Variants in RAPGEF5 observed in about 807,000 individuals in gnomAD.
The protein encoded by RAPGEF5 is Rap guanine nucleotide exchange factor 5.
In RAPGEF5, 65 loss-of-function variants were observed where a neutral mutation model predicts 125.2. The observed-to-expected ratio is 0.52, with a 90% CI of 0.43 to 0.64. The LOEUF is 0.64. RAPGEF5 is among the 30% of genes least tolerant of loss of function. The pLI is 0.00. For synonymous variants in RAPGEF5, 391 were observed against 385.9 expected (o/e 1.01, Z -0.16); for missense variants, 958 against 1,048.1 (o/e 0.91, Z 1.19).
At chr7:22,219,650 CT>C (rs1323173747) in intron 9 of RAPGEF5, among the ~76,000 whole-genome samples, 1 of 151,956 alleles carries the variant, frequency 6.6e-6, no homozygotes, top group African/African-American at 2.4e-5. Context: ...ACATAATTTA[CT>C]TTTGAGAAGA....
intron 9 of RAPGEF5, among the ~76,000 whole-genome samples, chr7:22,195,521 C>T (rs1479293223): frequency 6.6e-6 from 1 of 152,116 alleles, no homozygotes; most frequent in Non-Finnish European, 1.5e-5. Context: ...TACATTTCAG[C>T]AAGGTCAGAC....
intron 1 of RAPGEF5, among the ~76,000 whole-genome samples, chr7:22,342,019 CT>C (rs891772059): frequency 1.3e-5 from 2 of 152,224 alleles, no homozygotes; most frequent in African/African-American, 4.8e-5. Context: ...CCACATTCCC[CT>C]TCCACAATGC....
intron 20 of RAPGEF5, among the ~76,000 whole-genome samples, chr7:22,142,011 G>A (rs953918962): frequency 1.3e-5 from 2 of 152,152 alleles, no homozygotes; most frequent in African/African-American, 2.4e-5. Flanking sequence ...TCACAACCCT[G>A]AACGTTCCCA....
Position 22,119,041 on chromosome 7 carries a change from T to A in RAPGEF5, c.*3365A>T, listed in dbSNP as rs529592912. 3.9e-5 allele frequency: 6 copies of A among 152,334 alleles called. No individual in the cohort carries two copies. The highest frequency in any genetic ancestry group is 3.3e-4 in the Admixed American group (5 of 15,300). 9.4% of individuals were successfully genotyped at this position (152,334 alleles called of 1,614,324 possible). A position where few individuals can be genotyped will look rare whatever the true frequency, so the allele number is the denominator to read the frequency against. The stretch of plus-strand genomic sequence containing the variant: ...CCGATCGTCCCCATTTTAATGTTTT[T>A]GCCCAGTTTCTGAAAAGCCTGGATT... On this transcript the variant is annotated 3_prime_UTR_variant, in exon 26 of 26. Coordinates refer to ENST00000665637, the MANE Select transcript of RAPGEF5 (RefSeq NM_012294.5). This position sits in a 1 kb window ranked among gnomAD's most constrained non-coding sequence, Gnocchi z 4.1.
At chr7:22,310,183 G>A in intron 3 of RAPGEF5, 93 bp from the exon 4 acceptor site, 1 of 1,272,884 alleles carries the variant, frequency 7.9e-7, no homozygotes. Flanking sequence ...CCTTTCATGT[G>A]CTTGCTTTTT....
chr7:22,290,742 C>CT (rs1463073659), intron 6 of RAPGEF5, among the ~76,000 whole-genome samples: 1 of 104,352 alleles, frequency 9.6e-6, no homozygotes, highest in Non-Finnish European at 1.8e-5. Context: ...GAGACTCCGT[C>CT]TCAAAAAAAA....
rs560653884 is a variant in RAPGEF5, at chr7:22,125,407, A to T, written c.2536+197T>A. The T allele has an allele frequency of 1.3e-5, 7 of 531,052 alleles. No individual in the cohort carries two copies. In the East Asian group the frequency reaches 2.3e-4, roughly 18 times the overall value. The allele number at this position is 531,052 out of a possible 1,614,324, so 32.9% of individuals were successfully genotyped here. A position where few individuals can be genotyped will look rare whatever the true frequency, so the allele number is the denominator to read the frequency against. ...TGCCATGAGGGGATAATAATCTGCC[A>T]TATCTTGTCTTCCTCTGCATCCCCA... On this transcript the variant is annotated intron_variant, in intron 25 of 25. Transcript: ENST00000665637.
At chr7:22,144,933 A>T in intron 20 of RAPGEF5, 111 bp downstream of exon 20, 1 of 1,243,948 alleles carries the variant, frequency 8.0e-7, no homozygotes, top group Non-Finnish European at 1.1e-6. Context: ...ATTTAACTCC[A>T]TATTACACGT....
At chr7:22,306,883 G>A (rs568797006) in intron 5 of RAPGEF5, among the ~76,000 whole-genome samples, 1 of 152,146 alleles carries the variant, frequency 6.6e-6, no homozygotes, top group Admixed American at 6.5e-5. Context: ...TTTGTTTCTG[G>A]GTTCTCCATT....
intron 5 of RAPGEF5, among the ~76,000 whole-genome samples, chr7:22,298,334 C>T (rs970897754): frequency 2.6e-5 from 4 of 151,960 alleles, no homozygotes; most frequent in Admixed American, 6.5e-5. Flanking sequence ...TGCACCACCA[C>T]GCCTGGCTAA....
chr7:22,129,494 G>A (rs999256488), intron 24 of RAPGEF5, among the ~76,000 whole-genome samples: 2 of 152,128 alleles, frequency 1.3e-5, no homozygotes, highest in African/African-American at 2.4e-5. Flanking sequence ...TCATATTCCC[G>A]CAATTGTTTC....
In RAPGEF5 at chr7:22,269,899, G is replaced by T. The variant is rs1782377519; in HGVS notation, c.748-2887C>A. Among the ~76,000 whole-genome samples the T allele has an allele frequency of 2.0e-5, 3 of 152,284 alleles. No individual in the cohort carries two copies. The South Asian group carries it at 6.2e-4, about 32-fold the overall frequency. ...GCTTCCCAACTCCTAACATGTGGGG[G>T]ATCAGTCAGATTGGTGGGAAAAACT... On this transcript the variant is annotated intron_variant, in intron 6 of 25. Transcript: ENST00000665637.
chr7:22,145,398 C>T, intron 19 of RAPGEF5, 176 bp from the exon 20 acceptor site: 1 of 548,920 alleles, frequency 1.8e-6, no homozygotes, highest in Non-Finnish European at 3.0e-6. Context: ...TTAGAGGTGC[C>T]TCATTCAATA....
intron 23 of RAPGEF5, among the ~76,000 whole-genome samples, chr7:22,134,134 C>G (rs1783007165): frequency 6.6e-6 from 1 of 152,084 alleles, no homozygotes; most frequent in South Asian, 2.1e-4. Flanking sequence ...ATTAAAAAAG[C>G]CTAAGAATTA....
chr7:22,169,092 A>G (rs1020325577), intron 11 of RAPGEF5, among the ~76,000 whole-genome samples: 1 of 152,230 alleles, frequency 6.6e-6, no homozygotes, highest in Admixed American at 6.5e-5. Context: ...CTAAACAGAT[A>G]TACCTGGGCC....
intron 3 of RAPGEF5, 108 bp downstream of exon 3, chr7:22,315,262 T>C (rs1012723749): frequency 9.9e-6 from 13 of 1,312,248 alleles, no homozygotes; most frequent in Non-Finnish European, 1.2e-5. Flanking sequence ...CAAACCCTCC[T>C]ACTACTGATA....
intron 14 of RAPGEF5, among the ~76,000 whole-genome samples, chr7:22,158,447 A>G (rs1449444473): frequency 1.3e-5 from 2 of 152,126 alleles, no homozygotes; most frequent in African/African-American, 2.4e-5. Context: ...ACTGGGGCCA[A>G]TTTCATACAT....
At chr7:22,329,676 T>C (rs563274198) in intron 1 of RAPGEF5, among the ~76,000 whole-genome samples, 9 of 152,322 alleles carry the variant, frequency 5.9e-5, no homozygotes, top group African/African-American at 9.6e-5. Context: ...TTCTGTGTCA[T>C]AGCTAGATTG....
At chr7:22,351,260 T>C (rs1781988016) in intron 1 of RAPGEF5, among the ~76,000 whole-genome samples, 1 of 152,214 alleles carries the variant, frequency 6.6e-6, no homozygotes, top group African/African-American at 2.4e-5. Context: ...ACCACAATGC[T>C]TCTCCCCACT....
Sources: allele counts gnomAD v4.1 joint callset (sites outside exome capture counted in the v4.1 genomes callset), GRCh38; gene constraint gnomAD v4.1.1; non-coding constraint Gnocchi (gnomAD v3.1); transcripts MANE v1.5; gene names NCBI Gene and HGNC (gene_info 2026-07-23, HGNC 2026-07-21).